PDE5A: variants seen among roughly 807,000 people sequenced by gnomAD.
PDE5A encodes phosphodiesterase 5A.
A neutral mutation model predicts 110.2 loss-of-function variants in PDE5A; 67 were observed. The observed-to-expected ratio is 0.61, with a 90% CI of 0.50 to 0.75. PDE5A has a LOEUF of 0.75. PDE5A is among the 30% of genes least tolerant of loss of function. The pLI, the probability that PDE5A is intolerant of heterozygous loss-of-function variation, is 0.00. For missense variants in PDE5A, 862 were observed against 1,045.1 expected, an observed-to-expected ratio of 0.82 and a Z score of 2.42; for synonymous variants, 328 against 351.2, an observed-to-expected ratio of 0.93 and a Z score of 0.74.
rs539063539 is a variant in PDE5A at position 119,620,810 on chromosome 4, T to C, written c.152+7710A>G. On this transcript the variant is annotated intron_variant, in intron 1 of 20. Transcript: ENST00000354960. ...TGTGTTAATGAGAAAATAAAAGACG[T>C]AAATTTAATATGCATATATGCCTTC... Among the ~76,000 whole-genome samples, 10 of 152,336 alleles carry C rather than the reference T, an allele frequency of 6.6e-5. No individual in the cohort carries two copies. The East Asian group carries it at 1.7e-3, about 26-fold the overall frequency.
chr4:119,601,803 T>C (rs1729357744), intron 2 of PDE5A, among the ~76,000 whole-genome samples: 1 of 152,186 alleles, frequency 6.6e-6, no homozygotes, highest in South Asian at 2.1e-4. Context: ...GAAAATTAAA[T>C]AGTCGTTGCT....
At chr4:119,535,894 T>G (rs1307679489) in intron 11 of PDE5A, among the ~76,000 whole-genome samples, 32 of 152,182 alleles carry the variant, frequency 2.1e-4, no homozygotes, top group Non-Finnish European at 4.3e-4. Context: ...ATTTTGGGTT[T>G]TAAATTGAGA....
chr4:119,545,419 G>T (rs1727098585), intron 9 of PDE5A, among the ~76,000 whole-genome samples: 1 of 152,092 alleles, frequency 6.6e-6, no homozygotes, highest in Non-Finnish European at 1.5e-5. Context: ...ATTTAAAAAT[G>T]AAATGTTTAA....
intron 11 of PDE5A, among the ~76,000 whole-genome samples, chr4:119,530,943 C>A (rs1161620157): frequency 6.6e-6 from 1 of 152,022 alleles, no homozygotes; most frequent in African/African-American, 2.4e-5. Flanking sequence ...CTTCTTTCAT[C>A]TGCACAACAA....
chr4:119,559,473 CAG>C (rs529595898), intron 7 of PDE5A, among the ~76,000 whole-genome samples: 265 of 152,164 alleles, frequency 1.7e-3, no homozygotes, highest in African/African-American at 5.9e-3. Flanking sequence ...AATATATAAA[CAG>C]AGATGCCTAT....
intron 7 of PDE5A, among the ~76,000 whole-genome samples, chr4:119,556,356 G>A (rs574755760): frequency 6.6e-5 from 10 of 152,250 alleles, no homozygotes; most frequent in African/African-American, 2.4e-4. Flanking sequence ...CCATCCTACT[G>A]TTTAAAATGT....
At chr4:119,535,917 C>T (rs528553761) in intron 11 of PDE5A, among the ~76,000 whole-genome samples, 3 of 152,080 alleles carry the variant, frequency 2.0e-5, no homozygotes, top group Non-Finnish European at 2.9e-5. Context: ...ACCAGACAAA[C>T]GACAGCAATT....
At chr4:119,610,064 T>C (rs989321863) in intron 1 of PDE5A, among the ~76,000 whole-genome samples, 1 of 152,230 alleles carries the variant, frequency 6.6e-6, no homozygotes. Flanking sequence ...CACAAGCATA[T>C]ACCTACACAG....
chr4:119,582,013 G>A lies in PDE5A; in HGVS notation c.831+14510C>T, dbSNP rs916633463. Among the ~76,000 whole-genome samples the A allele has an allele frequency of 4.6e-5, 7 of 152,160 alleles. No homozygotes were observed. In the South Asian group the frequency reaches 6.2e-4, roughly 14 times the overall value. Reference sequence around the variant, plus strand: ...ATCAGGGTGGTGGTTGCTGACGGACGGGGCTGTTGTGGAAATTTCTTAGCA... The same window carrying A: ...ATCAGGGTGGTGGTTGCTGACGGACAGGGCTGTTGTGGAAATTTCTTAGCA... On this transcript the variant is annotated intron_variant, in intron 3 of 20. Coordinates refer to ENST00000354960, the MANE Select transcript of PDE5A (RefSeq NM_001083.4).
chr4:119,511,334 C>T (rs1725736118), intron 14 of PDE5A, among the ~76,000 whole-genome samples, 200 bp from the exon 15 acceptor site: 1 of 151,908 alleles, frequency 6.6e-6, no homozygotes, highest in Admixed American at 6.6e-5. Context: ...TTTTCAAATA[C>T]CAATGTGACC....
At chr4:119,586,154 C>T (rs1728757248) in intron 3 of PDE5A, among the ~76,000 whole-genome samples, 1 of 152,170 alleles carries the variant, frequency 6.6e-6, no homozygotes, top group African/African-American at 2.4e-5. Flanking sequence ...CGGCATAGTA[C>T]TCATGATTAT....
At chr4:119,555,133 G>C (rs749770692) in intron 7 of PDE5A, among the ~76,000 whole-genome samples, 1 of 152,098 alleles carries the variant, frequency 6.6e-6, no homozygotes, top group Non-Finnish European at 1.5e-5. Context: ...CCTGTGGCCT[G>C]GTTCCTGGTC....
At chr4:119,564,522 G>C (rs1302496812) in intron 5 of PDE5A, among the ~76,000 whole-genome samples, 7 of 152,054 alleles carry the variant, frequency 4.6e-5, no homozygotes, top group Non-Finnish European at 8.8e-5. Flanking sequence ...AGTGTAGCTT[G>C]GAAGAAGAAA....
intron 2 of PDE5A, among the ~76,000 whole-genome samples, chr4:119,601,140 G>A (rs922879041): frequency 1.3e-5 from 2 of 152,008 alleles, no homozygotes; most frequent in Non-Finnish European, 2.9e-5. Flanking sequence ...AACCATACCC[G>A]AATTCACACT....
intron 3 of PDE5A, among the ~76,000 whole-genome samples, chr4:119,586,089 ATGTT>A (rs1048274980): frequency 1.3e-5 from 2 of 152,190 alleles, no homozygotes; most frequent in African/African-American, 4.8e-5. Context: ...GAGATAATAA[ATGTT>A]TGTTCAGAAT....
chr4:119,612,779 T>C (rs1578828216), intron 1 of PDE5A, among the ~76,000 whole-genome samples: 1 of 152,354 alleles, frequency 6.6e-6, no homozygotes, highest in East Asian at 1.9e-4. Flanking sequence ...TCTGAAACTG[T>C]GAGCAACAAA....
At chr4:119,515,296 C>T (rs1725872513) in intron 14 of PDE5A, among the ~76,000 whole-genome samples, 1 of 152,158 alleles carries the variant, frequency 6.6e-6, no homozygotes, top group Admixed American at 6.5e-5. Context: ...AAGTCTCTCA[C>T]ATCCTGCTGA....
At position 119,501,168 on chromosome 4, in the gene PDE5A, A is replaced by T; in HGVS notation, c.2490+2T>A. 1 of 1,584,664 alleles carries T rather than the reference A, an allele frequency of 6.3e-7. No homozygotes were observed. The highest frequency in any genetic ancestry group is 8.7e-7 in the Non-Finnish European group (1 of 1,153,600). ...CAAGTCTAGTAGTTTTCATATAAAT[A>T]CCTCATACAGTTGCAAGCAGATGGC... On this transcript the variant is annotated splice_donor_variant, in intron 20 of 20. Coordinates refer to ENST00000354960, the MANE Select transcript of PDE5A (RefSeq NM_001083.4). LOFTEE classifies it high-confidence loss of function.
At position 119,627,311 on chromosome 4, in the gene PDE5A, G is replaced by A; in HGVS notation, c.152+1209C>T. 5 of 1,247,548 alleles carry A rather than the reference G, an allele frequency of 4.0e-6. No homozygotes were observed. The highest frequency in any genetic ancestry group is 3.6e-5 in the East Asian group (1 of 27,490). 77.3% of individuals were successfully genotyped at this position (1,247,548 alleles called of 1,614,324 possible). A position where few individuals can be genotyped will look rare whatever the true frequency, so the allele number is the denominator to read the frequency against. On this transcript the variant is annotated intron_variant, in intron 1 of 20. Coordinates refer to ENST00000354960, the MANE Select transcript of PDE5A (RefSeq NM_001083.4). This position sits in a 1 kb window ranked among gnomAD's most constrained non-coding sequence, Gnocchi z 4.6. ...CAGCTCCCTCACGGCCCCGGCCTCC[G>A]CGCCGCCGCCCGTCGCCTCCCGCTC...
Sources: allele counts gnomAD v4.1 joint callset (sites outside exome capture counted in the v4.1 genomes callset), GRCh38; gene constraint gnomAD v4.1.1; non-coding constraint Gnocchi (gnomAD v3.1); transcripts MANE v1.5; gene names NCBI Gene and HGNC (gene_info 2026-07-23, HGNC 2026-07-21).